The following LUZP2 variants were observed in gnomAD, a reference collection of about 807,000 sequenced individuals.
LUZP2 encodes the protein leucine zipper protein 2.
A neutral mutation model predicts 51.6 loss-of-function variants in LUZP2; 52 were observed. The ratio of observed to expected loss-of-function variants is 1.01; its 90% confidence interval spans 0.81 to 1.27. The LOEUF (loss-of-function observed/expected upper bound fraction) is 1.27, where lower values mean the gene tolerates loss of function less well. Among genes scored for constraint, LUZP2 ranks in the 50% most tolerant of loss-of-function variants. The pLI is 0.00. For synonymous variants in LUZP2, 154 were observed against 137.3 expected (o/e 1.12, Z -0.85); for missense variants, 436 against 395.4 (o/e 1.10, Z -0.87).
intron 1 of LUZP2, among the ~76,000 whole-genome samples, chr11:24,682,205 T>C (rs7395763): frequency 0.19 from 28,170 of 151,824 alleles, 2,705 homozygotes; most frequent in East Asian, 0.33. Context: ...GTTAAAAGAG[T>C]AGAGCAAGGC....
intron 1 of LUZP2, among the ~76,000 whole-genome samples, chr11:24,631,013 G>T (rs1396281324): frequency 6.6e-6 from 1 of 151,868 alleles, no homozygotes; most frequent in African/African-American, 2.4e-5. Flanking sequence ...TTGGTGTATA[G>T]AAGTACTACT....
chr11:24,674,136 A>AT (rs1856476874), intron 1 of LUZP2, among the ~76,000 whole-genome samples: 2 of 152,164 alleles, frequency 1.3e-5, no homozygotes, highest in Non-Finnish European at 2.9e-5. Flanking sequence ...TTTTCTACAT[A>AT]TTTTTAATCT....
chr11:24,544,353 G>C (rs1851475935), intron 1 of LUZP2, among the ~76,000 whole-genome samples: 1 of 151,960 alleles, frequency 6.6e-6, no homozygotes, highest in Admixed American at 6.6e-5. Flanking sequence ...TTGTGTCATG[G>C]GGGTATGTTG....
At chr11:24,763,194 G>T in intron 4 of LUZP2, 52 bp from the exon 5 acceptor site, 1 of 789,772 alleles carries the variant, frequency 1.3e-6, no homozygotes, top group Non-Finnish European at 1.9e-6. Context: ...AATAATGAAA[G>T]CCATGGTAAT....
intron 9 of LUZP2, among the ~76,000 whole-genome samples, chr11:25,040,382 C>A (rs1488644090): frequency 9.6e-6 from 1 of 103,706 alleles, no homozygotes; most frequent in Non-Finnish European, 1.7e-5. Context: ...CACAGAATAC[C>A]CCTGGGGAAA....
chr11:24,685,855 A>T (rs4575270), intron 1 of LUZP2, among the ~76,000 whole-genome samples: 27,905 of 152,178 alleles, frequency 0.18, 2,654 homozygotes, highest in East Asian at 0.32. Context: ...ATAAATAAAT[A>T]GTTTCCTAAG....
At chr11:24,931,940 C>A (rs569648733) in intron 7 of LUZP2, among the ~76,000 whole-genome samples, 13 of 152,258 alleles carry the variant, frequency 8.5e-5, no homozygotes, top group African/African-American at 2.9e-4. Flanking sequence ...GATTTTATCC[C>A]ATGGGGTTCT....
At chr11:24,856,879 G>T (rs1363949236) in intron 5 of LUZP2, among the ~76,000 whole-genome samples, 2 of 151,942 alleles carry the variant, frequency 1.3e-5, no homozygotes, top group Non-Finnish European at 2.9e-5. Context: ...TTATAAGTGG[G>T]AGCTAAATAA....
At position 25,036,359 on chromosome 11, in the gene LUZP2, T is replaced by G. The variant is rs189840761; in HGVS notation, c.766-13679T>G. 6.6e-5 allele frequency among the ~76,000 whole-genome samples: 10 copies of G among 151,294 alleles called. No homozygotes were observed. In the East Asian group the frequency reaches 1.9e-3, roughly 29 times the overall value. ...GATTGTGCTTATTGCAATCTTCTCT[T>G]TCTTTTTCTTTGTTAGTCTAGCTAG... On this transcript the variant is annotated intron_variant, in intron 9 of 11. Transcript: ENST00000336930.
At position 24,593,310 on chromosome 11, in the gene LUZP2, T is replaced by A. The variant is rs558965172; in HGVS notation, c.62+96005T>A. Among the ~76,000 whole-genome samples the A allele has an allele frequency of 5.3e-5, 8 of 152,318 alleles. No individual in the cohort carries two copies. In the South Asian group the frequency reaches 1.7e-3, roughly 32 times the overall value. On this transcript the variant is annotated intron_variant, in intron 1 of 11. Coordinates refer to ENST00000336930, the MANE Select transcript of LUZP2 (RefSeq NM_001009909.4). ...TTGTCATTGTATATCATTATTCCTGTTGTCTTTAGCTGAGTGGCAAACTTT... is the reference window on the plus strand; with the variant it reads ...TTGTCATTGTATATCATTATTCCTGATGTCTTTAGCTGAGTGGCAAACTTT...
intron 10 of LUZP2, among the ~76,000 whole-genome samples, chr11:25,075,793 G>A (rs1160988533): frequency 6.6e-6 from 1 of 152,084 alleles, no homozygotes; most frequent in East Asian, 1.9e-4. Context: ...AATATAGTGT[G>A]AGAATAGAGG....
At chr11:24,559,302 A>G (rs374599261) in intron 1 of LUZP2, among the ~76,000 whole-genome samples, 5 of 152,320 alleles carry the variant, frequency 3.3e-5, no homozygotes, top group East Asian at 3.9e-4. Context: ...ATCACCTCAA[A>G]CTAAAACCTA....
chr11:24,683,078 G>A (rs1856799058), intron 1 of LUZP2, among the ~76,000 whole-genome samples: 1 of 152,192 alleles, frequency 6.6e-6, no homozygotes, highest in African/African-American at 2.4e-5. Flanking sequence ...TCAGGAGATG[G>A]CAGATTAAAG....
intron 1 of LUZP2, among the ~76,000 whole-genome samples, chr11:24,524,769 TG>T (rs1249552289): frequency 6.6e-6 from 1 of 151,742 alleles, no homozygotes; most frequent in Non-Finnish European, 1.5e-5. Context: ...TGTCCTTGAA[TG>T]TCATCTCATT....
intron 5 of LUZP2, among the ~76,000 whole-genome samples, chr11:24,799,161 C>T (rs1170870153): frequency 6.6e-6 from 1 of 152,142 alleles, no homozygotes; most frequent in Non-Finnish European, 1.5e-5. Context: ...TGTTCTAGCA[C>T]ATTATGCATT....
rs535107356 is a variant in LUZP2, at chr11:24,795,194, CT to C, written c.396+31891del. ...TGATTAAAACATCATTATTAATGAC[CT>C]TTTTATTTTGAACAATTTGTCATTA... On this transcript the variant is annotated intron_variant, in intron 5 of 11. Transcript: ENST00000336930. 2.6e-5 allele frequency among the ~76,000 whole-genome samples: 4 copies of C among 152,022 alleles called. No individual in the cohort carries two copies. The South Asian group carries it at 6.2e-4, about 24-fold the overall frequency.
chr11:24,588,451 A>G (rs553041641), intron 1 of LUZP2, among the ~76,000 whole-genome samples: 106 of 152,206 alleles, frequency 7.0e-4, no homozygotes, highest in African/African-American at 2.5e-3. Flanking sequence ...TTAAGTAAAA[A>G]ATGATTGCAA....
chr11:24,753,756 A>G (rs1586396), intron 4 of LUZP2, among the ~76,000 whole-genome samples: 78,011 of 151,980 alleles, frequency 0.51, 20,329 homozygotes, highest in Non-Finnish European at 0.56. Flanking sequence ...CTTGTGCGAA[A>G]GACTTTGGGC....
rs545203436 is a variant in LUZP2 at position 24,900,309 on chromosome 11, T to C, written c.397-5682T>C. Among the ~76,000 whole-genome samples the C allele has an allele frequency of 1.4e-4, 21 of 152,314 alleles. No individual in the cohort carries two copies. The South Asian group carries it at 2.7e-3, about 20-fold the overall frequency. Reference sequence around the variant, plus strand: ...AAGACAGGCCTTTCTAGGGTTTTTATTAAATATCTTAGTGGTTAAGTCTTT... The same window carrying C: ...AAGACAGGCCTTTCTAGGGTTTTTACTAAATATCTTAGTGGTTAAGTCTTT... On this transcript the variant is annotated intron_variant, in intron 5 of 11. Transcript: ENST00000336930.
Sources: gnomAD v4.1 joint callset for allele counts (sites outside exome capture counted in the v4.1 genomes callset) on GRCh38, gnomAD v4.1.1 for gene constraint, MANE v1.5 for transcripts, NCBI Gene and HGNC (gene_info 2026-07-23, HGNC 2026-07-21) for gene names.